The following PRKN variants were observed in gnomAD, a reference collection of about 807,000 sequenced individuals.
The protein encoded by PRKN is E3 ubiquitin-protein ligase parkin.
Under a neutral mutation model 59.5 loss-of-function variants are expected in PRKN, and 56 were observed. The observed-to-expected ratio is 0.94, with a 90% CI of 0.76 to 1.18. The LOEUF (loss-of-function observed/expected upper bound fraction) is 1.18. PRKN is among the 50% of genes most tolerant of loss of function. The pLI is 0.00. For missense variants in PRKN, 657 were observed against 596.4 expected (o/e 1.10, Z -1.06); for synonymous variants, 250 against 222.1 (o/e 1.13, Z -1.12).
chr6:162,203,050 A>G (rs996736473), intron 3 of PRKN, among the ~76,000 whole-genome samples: 2 of 152,232 alleles, frequency 1.3e-5, no homozygotes, highest in African/African-American at 4.8e-5. Flanking sequence ...ATACGCTAGC[A>G]TTGTTGAAAG....
At chr6:162,063,475 A>G (rs73030499) in intron 4 of PRKN, among the ~76,000 whole-genome samples, 9,622 of 152,296 alleles carry the variant, frequency 0.063, 392 homozygotes, top group African/African-American at 0.11. Context: ...GTGAGGATAA[A>G]GATTAACAAA....
intron 7 of PRKN, among the ~76,000 whole-genome samples, chr6:161,659,458 G>GCC (rs1485201484): frequency 6.6e-6 from 1 of 152,102 alleles, no homozygotes; most frequent in South Asian, 2.1e-4. Context: ...TGTCTATGTT[G>GCC]GCATGAGATT....
At chr6:162,199,096 A>G (rs527752332) in intron 4 of PRKN, among the ~76,000 whole-genome samples, 1 of 151,464 alleles carries the variant, frequency 6.6e-6, no homozygotes, top group Non-Finnish European at 1.5e-5. Flanking sequence ...ATTCCACCTC[A>G]CCCTTCCACT....
chr6:161,381,396 C>T (rs1785978708), intron 10 of PRKN, among the ~76,000 whole-genome samples: 1 of 152,192 alleles, frequency 6.6e-6, no homozygotes, highest in African/African-American at 2.4e-5. Flanking sequence ...CTCCCTCCCT[C>T]TCCCTTGCCT....
intron 1 of PRKN, among the ~76,000 whole-genome samples, chr6:162,513,864 G>A (rs142782776): frequency 0.014 from 2,187 of 152,004 alleles, 28 homozygotes; most frequent in Middle Eastern, 0.031. Flanking sequence ...GACCAGCCTG[G>A]CTAACATGGT....
chr6:161,451,420 G>A lies in PRKN; in HGVS notation c.1084-64543C>T, dbSNP rs919863148. On this transcript the variant is annotated intron_variant, in intron 9 of 11. Coordinates refer to ENST00000366898, the MANE Select transcript of PRKN (RefSeq NM_004562.3). This position sits in a 1 kb window ranked among gnomAD's most constrained non-coding sequence, Gnocchi z 5.9. ...CTGATTAGCATAGGCAGAGTACTGA[G>A]AAGCCTTCCTTGTGCCTGTCACTAC... Among the ~76,000 whole-genome samples, 4 of 152,164 alleles carry A rather than the reference G, an allele frequency of 2.6e-5. No individual in the cohort carries two copies. The highest frequency in any genetic ancestry group is 9.7e-5 in the African/African-American group (4 of 41,406).
chr6:162,579,148 T>C (rs1780679321), intron 1 of PRKN, among the ~76,000 whole-genome samples: 1 of 152,224 alleles, frequency 6.6e-6, no homozygotes, highest in South Asian at 2.1e-4. Context: ...AGCCTGTCAT[T>C]GCCATGTGCC....
intron 1 of PRKN, among the ~76,000 whole-genome samples, chr6:162,585,781 C>A (rs1288666070): frequency 6.6e-6 from 1 of 151,862 alleles, no homozygotes; most frequent in Non-Finnish European, 1.5e-5. Context: ...CGGCTCACTG[C>A]AACCTCCACC....
chr6:161,522,189 T>C (rs1424988803), intron 9 of PRKN, among the ~76,000 whole-genome samples: 2 of 152,094 alleles, frequency 1.3e-5, no homozygotes, highest in Non-Finnish European at 2.9e-5. Flanking sequence ...AAAAAATCCA[T>C]TAATAAAGTG....
chr6:162,170,768 C>T (rs910581537), intron 4 of PRKN, among the ~76,000 whole-genome samples: 3 of 151,928 alleles, frequency 2.0e-5, no homozygotes, highest in African/African-American at 7.3e-5. Flanking sequence ...AGTTCAGGAC[C>T]GAAAGAAGGA....
At chr6:161,829,409 T>C (rs1792384581) in intron 6 of PRKN, among the ~76,000 whole-genome samples, 1 of 152,184 alleles carries the variant, frequency 6.6e-6, no homozygotes, top group South Asian at 2.1e-4. Context: ...TGTTTTGTTT[T>C]TTCCCTTGGA....
intron 1 of PRKN, among the ~76,000 whole-genome samples, chr6:162,699,352 C>A (rs538504161): frequency 6.6e-6 from 1 of 152,178 alleles, no homozygotes; most frequent in African/African-American, 2.4e-5. Flanking sequence ...AAGCCAAAAA[C>A]ATCTACCAAA....
chr6:162,005,352 A>G (rs1782208786), intron 5 of PRKN, among the ~76,000 whole-genome samples: 1 of 152,152 alleles, frequency 6.6e-6, no homozygotes, highest in African/African-American at 2.4e-5. Context: ...AAAAATAAAA[A>G]CAAAGACTGT....
chr6:162,018,619 G>C (rs1024535281), intron 5 of PRKN, among the ~76,000 whole-genome samples: 1 of 152,148 alleles, frequency 6.6e-6, no homozygotes, highest in Non-Finnish European at 1.5e-5. Flanking sequence ...TTTACAATTA[G>C]TATAGAAAAT....
intron 2 of PRKN, among the ~76,000 whole-genome samples, chr6:162,412,433 G>A: frequency 6.6e-6 from 1 of 151,904 alleles, no homozygotes; most frequent in South Asian, 2.1e-4. Context: ...GCCTCCCTAT[G>A]CGATGAAAAT....
At chr6:162,069,959 T>C (rs1582986945) in intron 4 of PRKN, among the ~76,000 whole-genome samples, 1 of 152,222 alleles carries the variant, frequency 6.6e-6, no homozygotes, top group South Asian at 2.1e-4. Flanking sequence ...CAAGAGACTA[T>C]GATCATAATA....
intron 7 of PRKN, among the ~76,000 whole-genome samples, chr6:161,772,013 C>G (rs1005057840): frequency 1.3e-5 from 2 of 151,960 alleles, no homozygotes; most frequent in African/African-American, 4.8e-5. Flanking sequence ...TCACAGTTAC[C>G]GAATGTGTGT....
intron 1 of PRKN, among the ~76,000 whole-genome samples, chr6:162,459,262 C>T (rs1174612025): frequency 6.6e-6 from 1 of 152,020 alleles, no homozygotes. Flanking sequence ...GCATAGTAAG[C>T]ACTTATTAGG....
intron 2 of PRKN, among the ~76,000 whole-genome samples, chr6:162,335,164 G>A (rs944056957): frequency 6.6e-6 from 1 of 151,546 alleles, no homozygotes; most frequent in Non-Finnish European, 1.5e-5. Flanking sequence ...TAGGTACACG[G>A]CACCACGTTT....
Sources: allele counts gnomAD v4.1 joint callset (sites outside exome capture counted in the v4.1 genomes callset), GRCh38; gene constraint gnomAD v4.1.1; non-coding constraint Gnocchi (gnomAD v3.1); transcripts MANE v1.5; gene names NCBI Gene and HGNC (gene_info 2026-07-23, HGNC 2026-07-21).